EPHA6: variants seen among roughly 807,000 people sequenced by gnomAD.
EPHA6 encodes the protein ephrin type-A receptor 6.
EPHA6 carries 50 observed loss-of-function variants against 112.0 expected under a neutral mutation model. The ratio of observed to expected loss-of-function variants is 0.45; its 90% CI spans 0.36 to 0.56. EPHA6 has a LOEUF of 0.56. EPHA6 is among the 20% of genes least tolerant of loss of function. EPHA6 has a pLI of 0.00. For synonymous variants in EPHA6, 529 were observed against 490.7 expected (o/e 1.08, Z -1.03); for missense variants, 1,280 against 1,417.4 (o/e 0.90, Z 1.56).
chr3:97,334,242 G>T (rs1309319876), intron 5 of EPHA6, among the ~76,000 whole-genome samples: 1 of 151,734 alleles, frequency 6.6e-6, no homozygotes, highest in African/African-American at 2.4e-5. Context: ...AGAGATATTG[G>T]TCTTTATTTT....
intron 5 of EPHA6, among the ~76,000 whole-genome samples, chr3:97,318,632 G>A (rs536915873): frequency 1.3e-5 from 2 of 152,016 alleles, no homozygotes; most frequent in African/African-American, 2.4e-5. Flanking sequence ...TAATTTAAAA[G>A]GAATGATGTG....
intron 2 of EPHA6, among the ~76,000 whole-genome samples, chr3:96,978,008 A>G (rs1161958386): frequency 6.6e-6 from 1 of 152,058 alleles, no homozygotes; most frequent in African/African-American, 2.4e-5. Flanking sequence ...AAAATACAAA[A>G]AATTAGCTGG....
intron 5 of EPHA6, among the ~76,000 whole-genome samples, chr3:97,252,985 C>G (rs1035765900): frequency 6.6e-6 from 1 of 152,028 alleles, no homozygotes; most frequent in Non-Finnish European, 1.5e-5. Flanking sequence ...AAATATTGAG[C>G]TATCTGTTAT....
chr3:97,572,018 A>G (rs1164372053), intron 11 of EPHA6, among the ~76,000 whole-genome samples: 1 of 152,124 alleles, frequency 6.6e-6, no homozygotes, highest in Non-Finnish European at 1.5e-5. Context: ...CTCAGTCAGC[A>G]TTCTATGTAT....
intron 11 of EPHA6, among the ~76,000 whole-genome samples, chr3:97,548,146 T>G (rs892945633): frequency 1.3e-5 from 2 of 152,210 alleles, no homozygotes; most frequent in Non-Finnish European, 2.9e-5. Context: ...ATCACCCGTC[T>G]TCTGTGTGGC....
chr3:97,105,551 G>A (rs1051068112), intron 3 of EPHA6, among the ~76,000 whole-genome samples: 1 of 152,084 alleles, frequency 6.6e-6, no homozygotes, highest in South Asian at 2.1e-4. Flanking sequence ...TGCACTTGCT[G>A]AGGATTATTT....
At chr3:97,340,037 A>AT (rs113522948) in intron 5 of EPHA6, among the ~76,000 whole-genome samples, 4,272 of 152,240 alleles carry the variant, frequency 0.028, 202 homozygotes, top group African/African-American at 0.091. Flanking sequence ...TAACCTAAAT[A>AT]TTTTTTCCAG....
At chr3:97,067,056 T>A (rs1212692200) in intron 3 of EPHA6, among the ~76,000 whole-genome samples, 2 of 152,134 alleles carry the variant, frequency 1.3e-5, no homozygotes, top group Non-Finnish European at 2.9e-5. Flanking sequence ...GATAGAAGAC[T>A]TTTTTCTTCT....
At chr3:96,902,450 G>C (rs1485541190) in intron 2 of EPHA6, among the ~76,000 whole-genome samples, 2 of 152,116 alleles carry the variant, frequency 1.3e-5, no homozygotes, top group Admixed American at 6.6e-5. Flanking sequence ...GTGACCCAGA[G>C]CCCTATTATG....
chr3:97,671,152 T>A (rs537685926), intron 14 of EPHA6, among the ~76,000 whole-genome samples: 1 of 152,108 alleles, frequency 6.6e-6, no homozygotes, highest in African/African-American at 2.4e-5. Context: ...ACTGATGAGG[T>A]TTGTGCTAAA....
At chr3:97,711,320 T>C (rs1026750627) in intron 14 of EPHA6, among the ~76,000 whole-genome samples, 5 of 151,926 alleles carry the variant, frequency 3.3e-5, no homozygotes, top group African/African-American at 1.2e-4. Flanking sequence ...CTTTCTTTTG[T>C]AAATTGCCCA....
intron 3 of EPHA6, among the ~76,000 whole-genome samples, chr3:97,070,992 G>T (rs1349299435): frequency 6.6e-6 from 1 of 151,960 alleles, no homozygotes; most frequent in Non-Finnish European, 1.5e-5. Context: ...GATTTTTATA[G>T]GGTGATTATG....
chr3:97,690,459 A>G (rs1576294946), intron 14 of EPHA6, among the ~76,000 whole-genome samples: 1 of 146,886 alleles, frequency 6.8e-6, no homozygotes, highest in South Asian at 2.1e-4. Context: ...AACAATGTCT[A>G]CTTTTCGCCC....
At chr3:97,303,329 G>C (rs1014104491) in intron 5 of EPHA6, among the ~76,000 whole-genome samples, 2 of 151,980 alleles carry the variant, frequency 1.3e-5, no homozygotes, top group African/African-American at 4.8e-5. Context: ...TTTGAGAAGG[G>C]AAGGATTTAA....
At chr3:97,337,563 T>C (rs1415860910) in intron 5 of EPHA6, among the ~76,000 whole-genome samples, 1 of 152,156 alleles carries the variant, frequency 6.6e-6, no homozygotes, top group South Asian at 2.1e-4. Context: ...AAAGGATATA[T>C]GACAAAGCAA....
chr3:96,835,539 A>C (rs1190567845), intron 1 of EPHA6, among the ~76,000 whole-genome samples: 1 of 152,040 alleles, frequency 6.6e-6, no homozygotes, highest in Non-Finnish European at 1.5e-5. Flanking sequence ...TTGGGAATAG[A>C]TAAAGACTGT....
rs1307543291 is a variant in EPHA6, at chr3:96,819,945, A to G, written c.385+4937A>G. Among the ~76,000 whole-genome samples the G allele has an allele frequency of 2.0e-5, 3 of 152,178 alleles. No individual in the cohort carries two copies. The East Asian group carries it at 5.8e-4, about 29-fold the overall frequency. ...GCAACAAAGACACTGAGAAAGTAAC[A>G]GGAGAGATGTGCTATTTGAAATGGG... On this transcript the variant is annotated intron_variant, in intron 1 of 17. Transcript: ENST00000389672.
chr3:97,664,673 A>G (rs944382684), intron 14 of EPHA6, among the ~76,000 whole-genome samples: 1 of 152,194 alleles, frequency 6.6e-6, no homozygotes, highest in Non-Finnish European at 1.5e-5. Flanking sequence ...CTTATACACC[A>G]ATAACAGATA....
intron 6 of EPHA6, among the ~76,000 whole-genome samples, chr3:97,408,547 G>A (rs1025125810): frequency 5.3e-5 from 8 of 151,866 alleles, no homozygotes; most frequent in African/African-American, 1.9e-4. Flanking sequence ...TAAACTATGT[G>A]GCTTATAAAC....
Sources: allele counts gnomAD v4.1 joint callset (sites outside exome capture counted in the v4.1 genomes callset), GRCh38; gene constraint gnomAD v4.1.1; transcripts MANE v1.5; gene names NCBI Gene and HGNC (gene_info 2026-07-23, HGNC 2026-07-21).